The following TSPAN15 variants were observed in gnomAD, a reference collection of about 807,000 sequenced individuals.
TSPAN15 encodes the protein tetraspanin 15.
Under a neutral mutation model 34.5 loss-of-function variants are expected in TSPAN15, and 20 were observed. The observed-to-expected ratio is 0.58, with a 90% confidence interval of 0.41 to 0.84. The LOEUF (loss-of-function observed/expected upper bound fraction) is 0.84. Among genes scored for constraint, TSPAN15 ranks in the 40% least tolerant of loss-of-function variants. The pLI is 0.00. For missense variants in TSPAN15, 313 were observed against 386.1 expected (o/e 0.81, Z 1.59); for synonymous variants, 155 against 153.9 (o/e 1.01, Z -0.05).
chr10:69,539,464 G>GAAT, the TSPAN15 span, among the ~76,000 whole-genome samples: 5 of 51,344 alleles, frequency 9.7e-5, no homozygotes, highest in East Asian at 7.8e-4. Flanking sequence ...GAAGAAGAAG[G>GAAT]AGAAGGAGAA....
chr10:69,520,860 A>G, the TSPAN15 span, among the ~76,000 whole-genome samples: 1 of 152,196 alleles, frequency 6.6e-6, no homozygotes, highest in Non-Finnish European at 1.5e-5. Flanking sequence ...TGCTGGTCAT[A>G]TGGTAATTCT....
the TSPAN15 span, among the ~76,000 whole-genome samples, chr10:69,543,650 G>T: frequency 6.6e-6 from 1 of 152,094 alleles, no homozygotes; most frequent in Non-Finnish European, 1.5e-5. Context: ...GGCCTGAATA[G>T]CTTCACAGCG....
At chr10:69,463,237 A>G (rs1056664739) in intron 1 of TSPAN15, among the ~76,000 whole-genome samples, 2 of 152,194 alleles carry the variant, frequency 1.3e-5, no homozygotes, top group South Asian at 4.1e-4. Flanking sequence ...TCCTTCAATG[A>G]TATCTCGAGT....
chr10:69,538,597 C>T, the TSPAN15 span, among the ~76,000 whole-genome samples: 1 of 152,224 alleles, frequency 6.6e-6, no homozygotes, highest in Non-Finnish European at 1.5e-5. Context: ...TGATAATCCA[C>T]GTAAAGTGCA....
Position 69,507,077 on chromosome 10 carries a change from A to C in TSPAN15, c.*99A>C, listed in dbSNP as rs1283732046. 7.8e-6 allele frequency: 12 copies of C among 1,531,178 alleles called. No homozygotes were observed. The highest frequency in any genetic ancestry group is 2.2e-5 in the Admixed American group (1 of 45,072). 94.8% of individuals were successfully genotyped at this position (1,531,178 alleles called of 1,614,324 possible). On this transcript the variant is annotated 3_prime_UTR_variant, in exon 8 of 8. Transcript: ENST00000373290. ...ACAGGGCTGCGGCCCCTCTGCCCAC[A>C]CTCAGTACTGACCAAAGCCAGGGCT...
chr10:69,460,494 G>C (rs908719044), intron 1 of TSPAN15, among the ~76,000 whole-genome samples: 1 of 151,934 alleles, frequency 6.6e-6, no homozygotes, highest in African/African-American at 2.4e-5. Flanking sequence ...TGCCTCTGGC[G>C]ATGTGCCATG....
intron 1 of TSPAN15, among the ~76,000 whole-genome samples, chr10:69,464,907 C>T (rs764762997): frequency 5.3e-5 from 8 of 152,182 alleles, no homozygotes; most frequent in Non-Finnish European, 1.2e-4. Flanking sequence ...GGGACAGAGG[C>T]CTGACTTATG....
At chr10:69,505,504 T>C (rs1444392766) in intron 6 of TSPAN15, among the ~76,000 whole-genome samples, 1 of 152,162 alleles carries the variant, frequency 6.6e-6, no homozygotes, top group Non-Finnish European at 1.5e-5. Flanking sequence ...GTGTAATCAT[T>C]CCTTAATTTA....
chr10:69,461,097 C>T (rs1423063806), intron 1 of TSPAN15, among the ~76,000 whole-genome samples: 1 of 152,178 alleles, frequency 6.6e-6, no homozygotes, highest in Non-Finnish European at 1.5e-5. Context: ...CATGCAGATG[C>T]TGGGAGGAGA....
At chr10:69,513,791 T>G in the TSPAN15 span, among the ~76,000 whole-genome samples, 103 of 152,384 alleles carry the variant, frequency 6.8e-4, 1 homozygote, top group Non-Finnish European at 1.1e-3. Context: ...TAATCTGTTT[T>G]GTACATGCAT....
chr10:69,463,740 G>A (rs1199013110), intron 1 of TSPAN15, among the ~76,000 whole-genome samples: 12 of 151,442 alleles, frequency 7.9e-5, no homozygotes, highest in African/African-American at 2.9e-4. Flanking sequence ...AACCTGGGAG[G>A]TGGAGGTTGC....
chr10:69,531,256 C>T, the TSPAN15 span, among the ~76,000 whole-genome samples: 1 of 147,474 alleles, frequency 6.8e-6, no homozygotes, highest in African/African-American at 2.5e-5. Flanking sequence ...TTCAGGAAAA[C>T]TAATTTCACA....
chr10:69,537,630 A>G, the TSPAN15 span, among the ~76,000 whole-genome samples: 10 of 152,212 alleles, frequency 6.6e-5, no homozygotes, highest in African/African-American at 2.4e-4. Flanking sequence ...TTAGAGGCCT[A>G]TCCTGCTCCA....
chr10:69,547,873 T>C, the TSPAN15 span, among the ~76,000 whole-genome samples: 2 of 152,046 alleles, frequency 1.3e-5, no homozygotes, highest in African/African-American at 4.8e-5. Context: ...TATGAGCTTA[T>C]GTCAATCCAG....
Position 69,507,551 on chromosome 10 carries a change from C to T in TSPAN15, c.*573C>T, listed in dbSNP as rs1357569641. The T allele has an allele frequency of 2.3e-6, 3 of 1,303,972 alleles. 1 individual carries two copies. The South Asian group carries it at 3.7e-5, about 16-fold the overall frequency. 80.8% of individuals were successfully genotyped at this position (1,303,972 alleles called of 1,614,324 possible). ...TTTTTGTAACATTCATTTTTTTGTA[C>T]AGATAACAGGAGTTTCTGACTAATC... On this transcript the variant is annotated 3_prime_UTR_variant, in exon 8 of 8. Coordinates refer to ENST00000373290, the MANE Select transcript of TSPAN15 (RefSeq NM_012339.5).
Position 69,485,093 on chromosome 10 carries a change from C to G in TSPAN15, c.283-48C>G, listed in dbSNP as rs1481831748. 7 of 1,567,760 alleles carry G rather than the reference C, an allele frequency of 4.5e-6. No homozygotes were observed. In the Admixed American group the frequency reaches 1.0e-4, roughly 22 times the overall value. ...GATGGTGCCTCCCCTGTACCCCACACACGCCCACTGCTCCTCTCCAGGTGA... is the reference window on the plus strand; with the variant it reads ...GATGGTGCCTCCCCTGTACCCCACAGACGCCCACTGCTCCTCTCCAGGTGA... On this transcript the variant is annotated intron_variant, in intron 2 of 7. Transcript: ENST00000373290.
chr10:69,517,146 A>G, the TSPAN15 span, among the ~76,000 whole-genome samples: 1 of 151,990 alleles, frequency 6.6e-6, no homozygotes, highest in Non-Finnish European at 1.5e-5. Context: ...GTGCCCTTTG[A>G]TGTCACCTGT....
At chr10:69,544,777 G>T in the TSPAN15 span, among the ~76,000 whole-genome samples, 1 of 152,158 alleles carries the variant, frequency 6.6e-6, no homozygotes, top group Non-Finnish European at 1.5e-5. Flanking sequence ...CAGTTCCAGG[G>T]CCACAAGCGT....
At chr10:69,499,220 T>C (rs1842152193) in intron 5 of TSPAN15, among the ~76,000 whole-genome samples, 1 of 152,200 alleles carries the variant, frequency 6.6e-6, no homozygotes, top group African/African-American at 2.4e-5. Context: ...CAGATAGTCA[T>C]GGAAAGTTTT....
Sources: allele counts gnomAD v4.1 joint callset (sites outside exome capture counted in the v4.1 genomes callset), GRCh38; gene constraint gnomAD v4.1.1; transcripts MANE v1.5; gene names NCBI Gene and HGNC (gene_info 2026-07-23, HGNC 2026-07-21).